Variants in MAST4 observed in about 807,000 individuals in gnomAD.
MAST4 encodes the protein microtubule-associated serine/threonine-protein kinase 4.
Under a neutral mutation model 162.7 loss-of-function variants are expected in MAST4, and 89 were observed. The ratio of observed to expected loss-of-function variants is 0.55; its 90% CI spans 0.46 to 0.65. MAST4 has a LOEUF of 0.65. Ranked by LOEUF, MAST4 falls within the 30% of genes least tolerant of loss-of-function variation. The pLI, the probability that MAST4 is intolerant of heterozygous loss-of-function variation, is 0.00. For missense variants in MAST4, 3,153 were observed against 3,374.0 expected, an observed-to-expected ratio of 0.93 and a Z score of 1.62; for synonymous variants, 1,479 against 1,361.1, an observed-to-expected ratio of 1.09 and a Z score of -1.91.
At chr5:66,825,448 A>G (rs1757203896) in intron 3 of MAST4, among the ~76,000 whole-genome samples, 1 of 152,176 alleles carries the variant, frequency 6.6e-6, no homozygotes, top group African/African-American at 2.4e-5. Flanking sequence ...TATGTAGCAC[A>G]TGACTGCATG....
intron 10 of MAST4, among the ~76,000 whole-genome samples, chr5:67,109,500 A>G (rs1765974792): frequency 6.6e-6 from 1 of 152,210 alleles, no homozygotes; most frequent in South Asian, 2.1e-4. Context: ...ATTTGAAAAA[A>G]AATCCAAAAG....
chr5:66,606,516 T>C (rs1028753804), intron 1 of MAST4, among the ~76,000 whole-genome samples: 1 of 152,242 alleles, frequency 6.6e-6, no homozygotes, highest in African/African-American at 2.4e-5. Flanking sequence ...TTTCTCACTT[T>C]AAAAGCTGAA....
At chr5:66,900,045 C>T (rs1472308065) in intron 4 of MAST4, 63 bp downstream of exon 4, 34 of 1,146,472 alleles carry the variant, frequency 3.0e-5, no homozygotes, top group Admixed American at 2.0e-4. Flanking sequence ...TAGTATGATT[C>T]TTCTCTGATT....
intron 4 of MAST4, among the ~76,000 whole-genome samples, chr5:66,936,470 A>G (rs1742762740): frequency 6.6e-6 from 1 of 152,128 alleles, no homozygotes; most frequent in Non-Finnish European, 1.5e-5. Context: ...CAGGGAAGGG[A>G]GATAGGGGTG....
chr5:66,994,159 C>G (rs145872805), intron 4 of MAST4, among the ~76,000 whole-genome samples: 132 of 152,186 alleles, frequency 8.7e-4, no homozygotes, highest in African/African-American at 3.0e-3. Flanking sequence ...CCGCATTAAT[C>G]TACACAAGAG....
intron 4 of MAST4, among the ~76,000 whole-genome samples, chr5:66,934,214 CTTTATTTTAT>C (rs541639193): frequency 2.1e-4 from 32 of 150,138 alleles, no homozygotes; most frequent in South Asian, 1.9e-3. Context: ...CAGAGGCTTC[CTTTATTTTAT>C]TTTATTTTAT....
intron 1 of MAST4, among the ~76,000 whole-genome samples, chr5:66,725,953 A>G (rs1460725539): frequency 6.6e-6 from 1 of 152,148 alleles, no homozygotes; most frequent in Non-Finnish European, 1.5e-5. Context: ...CAGACAAATA[A>G]TTTAGCTGGC....
At chr5:66,932,584 A>T (rs767301235) in intron 4 of MAST4, among the ~76,000 whole-genome samples, 2 of 152,188 alleles carry the variant, frequency 1.3e-5, no homozygotes, top group Non-Finnish European at 2.9e-5. Flanking sequence ...TTCTTATTTA[A>T]GGCCAGAAAT....
intron 5 of MAST4, among the ~76,000 whole-genome samples, chr5:67,065,817 A>G (rs1760164114): frequency 6.6e-6 from 1 of 152,254 alleles, no homozygotes; most frequent in Admixed American, 6.5e-5. Context: ...ACAGCAATGT[A>G]TGAGTACTTC....
chr5:67,092,766 C>G (rs1014264405), intron 6 of MAST4, among the ~76,000 whole-genome samples: 1 of 152,300 alleles, frequency 6.6e-6, no homozygotes, highest in African/African-American at 2.4e-5. Context: ...AACAAACTTG[C>G]CTGCTGAGTT....
intron 4 of MAST4, among the ~76,000 whole-genome samples, chr5:66,961,973 C>G (rs567593382): frequency 2.2e-4 from 33 of 152,330 alleles, no homozygotes; most frequent in African/African-American, 7.2e-4. Context: ...AAACTTTACT[C>G]TGTTGAAACA....
At chr5:67,147,413 T>C (rs1200115333) in intron 23 of MAST4, among the ~76,000 whole-genome samples, 1 of 152,232 alleles carries the variant, frequency 6.6e-6, no homozygotes, top group African/African-American at 2.4e-5. Context: ...CACGCTTATA[T>C]GCAGTGCTGC....
At chr5:67,096,081 T>G (rs1764434814) in intron 7 of MAST4, among the ~76,000 whole-genome samples, 1 of 152,168 alleles carries the variant, frequency 6.6e-6, no homozygotes, top group African/African-American at 2.4e-5. Flanking sequence ...AGGTTTGTTT[T>G]GTTTTGTTTT....
chr5:66,628,826 C>A (rs1202292249), intron 1 of MAST4, among the ~76,000 whole-genome samples: 2 of 152,110 alleles, frequency 1.3e-5, no homozygotes, highest in Non-Finnish European at 2.9e-5. Flanking sequence ...TTAGGAGAAG[C>A]AGAGCTTTTC....
At chr5:66,960,627 C>T (rs1053889375) in intron 4 of MAST4, among the ~76,000 whole-genome samples, 5 of 152,172 alleles carry the variant, frequency 3.3e-5, no homozygotes, top group East Asian at 1.9e-4. Context: ...ATTAACCTCC[C>T]GCTTTGCTTT....
intron 4 of MAST4, among the ~76,000 whole-genome samples, chr5:67,010,935 C>T (rs570231073): frequency 6.6e-6 from 1 of 152,272 alleles, no homozygotes; most frequent in East Asian, 1.9e-4. Flanking sequence ...ACAGCAGCAG[C>T]GCAGCTATGA....
intron 5 of MAST4, among the ~76,000 whole-genome samples, chr5:67,075,045 C>T (rs1445671841): frequency 6.6e-6 from 1 of 152,022 alleles, no homozygotes; most frequent in African/African-American, 2.4e-5. Flanking sequence ...CTAATTTGTC[C>T]TTAGTCAGCC....
chr5:66,857,415 C>T (rs1759771673), intron 3 of MAST4, among the ~76,000 whole-genome samples: 2 of 152,172 alleles, frequency 1.3e-5, no homozygotes, highest in African/African-American at 4.8e-5. Context: ...ATTGTAGGAT[C>T]TATGCCAAGA....
chr5:66,753,312 G>C (rs1020817523), intron 1 of MAST4, among the ~76,000 whole-genome samples: 2 of 152,040 alleles, frequency 1.3e-5, no homozygotes, highest in African/African-American at 4.8e-5. Context: ...GAGCAGAACT[G>C]AAGGAAATAG....
Sources: allele counts gnomAD v4.1 joint callset (sites outside exome capture counted in the v4.1 genomes callset), GRCh38; gene constraint gnomAD v4.1.1; transcripts MANE v1.5; gene names NCBI Gene and HGNC (gene_info 2026-07-23, HGNC 2026-07-21).